HSD3B1: variants seen among roughly 807,000 people sequenced by gnomAD.
The protein encoded by HSD3B1 is 3 beta-hydroxysteroid dehydrogenase/Delta 5-->4-isomerase type 1.
A neutral mutation model predicts 10.4 loss-of-function variants in HSD3B1; 11 were observed. The observed-to-expected ratio is 1.05, with a 90% CI of 0.66 to 1.75. The LOEUF (loss-of-function observed/expected upper bound fraction) is 1.75. Ranked by LOEUF, HSD3B1 falls within the 40% of genes most tolerant of loss-of-function variation. The pLI is 0.00. For synonymous variants in HSD3B1, 217 were observed against 185.4 expected (o/e 1.17, Z -1.39); for missense variants, 490 against 454.5 (o/e 1.08, Z -0.71).
In HSD3B1 at chr1:119,514,124, A is replaced by G; in HGVS notation, c.601A>G (p.Ser201Gly). The change falls in exon 4 of 4, where the codon AGT (serine) becomes GGT (glycine). Residue 201 changes from serine (S) to glycine (G), a missense_variant. Ser to Gly is a moderately conservative substitution (Grantham distance 56). Transcript: ENST00000369413. ...GGAAGGAAGCCGATTCCTTTCTGCTAGTATAAACGAGGCCCTGAACAACAA... is the reference window on the plus strand; with the variant it reads ...GGAAGGAAGCCGATTCCTTTCTGCTGGTATAAACGAGGCCCTGAACAACAA... ...YGEGSRFLSA[S>G]INEALNNNGI... 6.2e-7 allele frequency: 1 copy of G among 1,614,110 alleles called. No individual in the cohort carries two copies. The highest frequency in any genetic ancestry group is 2.2e-5 in the East Asian group (1 of 44,868).
At chr1:119,508,979 G>C (rs1387615370) in intron 2 of HSD3B1, among the ~76,000 whole-genome samples, 1 of 152,190 alleles carries the variant, frequency 6.6e-6, no homozygotes, top group Non-Finnish European at 1.5e-5. Context: ...GCTCAGCCTA[G>C]AGGTATTGTT....
chr1:119,512,411 C>G (rs1570880279), intron 3 of HSD3B1, among the ~76,000 whole-genome samples: 1 of 151,956 alleles, frequency 6.6e-6, no homozygotes, highest in Middle Eastern at 3.4e-3. Context: ...ACCTTAAATT[C>G]AGACACATTT....
At position 119,511,644 on chromosome 1, in the gene HSD3B1, C is replaced by T. The variant is rs35427478; in HGVS notation, c.287C>T (p.Ser96Phe). 208 of 1,613,584 alleles carry T rather than the reference C, an allele frequency of 1.3e-4. No individual in the cohort carries two copies. The highest frequency in any genetic ancestry group is 1.7e-4 in the Non-Finnish European group (200 of 1,179,716). Reference sequence around the variant, plus strand: ...GTCTTCGGTGTCACTCACAGAGAGTCTATCATGAATGTCAATGTGAAAGGT... The same window carrying T: ...GTCTTCGGTGTCACTCACAGAGAGTTTATCATGAATGTCAATGTGAAAGGT... The part of the protein sequence containing the change: ...IDVFGVTHRE[S>F]IMNVNVKGTQ... Residue 96 changes from serine (S) to phenylalanine (F), a missense_variant, in exon 3 of 4, where the codon TCT (serine) becomes TTT (phenylalanine). Transcript: ENST00000369413.
chr1:119,513,533 T>A (rs1440174788), intron 3 of HSD3B1, among the ~76,000 whole-genome samples: 1 of 152,020 alleles, frequency 6.6e-6, no homozygotes, highest in Non-Finnish European at 1.5e-5. Flanking sequence ...CTTGGCAAAA[T>A]AAAAAGTGAT....
At chr1:119,507,350 G>A in intron 1 of HSD3B1, 42 bp from the exon 2 acceptor site, 1 of 891,016 alleles carries the variant, frequency 1.1e-6, no homozygotes, top group Non-Finnish European at 1.8e-6. Context: ...AGGAAAATGA[G>A]GCATCTGTGT....
rs371247441 is a variant in HSD3B1, at chr1:119,514,357, C to T, written c.834C>T (p.Leu278=). 46 of 1,614,044 alleles carry T rather than the reference C, an allele frequency of 2.8e-5. No individual in the cohort carries two copies. The highest frequency in any genetic ancestry group is 3.7e-5 in the Non-Finnish European group (44 of 1,180,026). Residue 278 remains leucine, a synonymous_variant, in exon 4 of 4, where the codon CTC becomes CTT. Transcript: ENST00000369413. The part of the protein sequence containing the change: ...LNYTLSKEFG[L]RLDSRWSFPL... The stretch of plus-strand genomic sequence containing the variant: ...ACACCCTGAGCAAAGAGTTCGGCCT[C>T]CGCCTTGATTCCAGATGGAGCTTTC...
In HSD3B1 at chr1:119,514,332, A is replaced by C. The variant is rs1654040030; in HGVS notation, c.809A>C (p.Tyr270Ser). The C allele has an allele frequency of 6.2e-7, 1 of 1,614,048 alleles. No individual in the cohort carries two copies. The highest frequency in any genetic ancestry group is 1.1e-5 in the South Asian group (1 of 91,070). ...TPHQSYDNLN[Y>S]TLSKEFGLRL... is the part of the protein sequence containing the mutation. The stretch of plus-strand genomic sequence containing the variant: ...CACCAAAGCTATGATAACCTTAATT[A>C]CACCCTGAGCAAAGAGTTCGGCCTC... The change falls in exon 4 of 4, where the codon TAC (tyrosine) becomes TCC (serine). Residue 270 changes from tyrosine to serine, a missense_variant. Coordinates refer to ENST00000369413, the MANE Select transcript of HSD3B1 (RefSeq NM_000862.3).
In HSD3B1 at chr1:119,511,585, C is replaced by G; in HGVS notation, c.228C>G (p.Val76=). 1.9e-6 allele frequency: 3 copies of G among 1,613,168 alleles called. No homozygotes were observed. The highest frequency in any genetic ancestry group is 4.5e-5 in the East Asian group (2 of 44,856). ...EPFLKRACQD[V]SVIIHTACII... Reference sequence around the variant, plus strand: ...TCCTGAAGAGAGCCTGCCAGGACGTCTCGGTCATCATCCACACCGCCTGTA... The same window carrying G: ...TCCTGAAGAGAGCCTGCCAGGACGTGTCGGTCATCATCCACACCGCCTGTA... Residue 76 remains valine, a synonymous_variant, in exon 3 of 4, where the codon GTC becomes GTG. Transcript: ENST00000369413.
rs764145512 is a variant in HSD3B1, at chr1:119,514,430, T to C, written c.907T>C (p.Phe303Leu). The change falls in exon 4 of 4, where the codon TTC (phenylalanine) becomes CTC (leucine). Residue 303 changes from phenylalanine (F) to leucine (L), a missense_variant. Phe to Leu is a conservative substitution (Grantham distance 22). Coordinates refer to ENST00000369413, the MANE Select transcript of HSD3B1 (RefSeq NM_000862.3). Reference protein sequence around the residue: ...WIGFLLEIVSFLLRPIYTYRP... With the variant: ...WIGFLLEIVSLLLRPIYTYRP... ...TGGCTTCCTGCTGGAAATAGTGAGC[T>C]TCCTACTCAGGCCAATTTACACCTA... 16 of 1,614,034 alleles carry C rather than the reference T, an allele frequency of 9.9e-6. No individual in the cohort carries two copies. The South Asian group carries it at 1.4e-4, about 14-fold the overall frequency.
chr1:119,511,373 A>G (rs2273582), intron 2 of HSD3B1, 130 bp from the exon 3 acceptor site: 14,926 of 809,934 alleles, frequency 0.018, 706 homozygotes, highest in African/African-American at 0.14. Context: ...TTCTTTCCGT[A>G]GAATGTACAC....
chr1:119,509,786 C>A (rs1377336594), intron 2 of HSD3B1, among the ~76,000 whole-genome samples: 2 of 152,208 alleles, frequency 1.3e-5, no homozygotes, highest in Non-Finnish European at 2.9e-5. Context: ...GAATTTTTCA[C>A]TCTGAATTTT....
chr1:119,514,395 T>A lies in HSD3B1; in HGVS notation c.872T>A (p.Met291Lys), dbSNP rs1380884412. The stretch of plus-strand genomic sequence containing the variant: ...AGATGGAGCTTTCCTTTATCCCTGA[T>A]GTATTGGATTGGCTTCCTGCTGGAA... ...DSRWSFPLSL[M>K]YWIGFLLEIV... is the part of the protein sequence containing the mutation. Residue 291 changes from methionine (M) to lysine (K), a missense_variant, in exon 4 of 4, where the codon ATG becomes AAG. Transcript: ENST00000369413. 1.9e-6 allele frequency: 3 copies of A among 1,614,140 alleles called. No individual in the cohort carries two copies. The East Asian group carries it at 6.7e-5, about 36-fold the overall frequency.
chr1:119,507,308 G>T (rs1159067632), intron 1 of HSD3B1, 46 bp downstream of exon 1: 1 of 639,506 alleles, frequency 1.6e-6, no homozygotes, highest in African/African-American at 1.8e-5. Flanking sequence ...CAGTGGTGGG[G>T]ACACAGAATG....
chr1:119,509,248 A>G (rs1407500341), intron 2 of HSD3B1, among the ~76,000 whole-genome samples: 1 of 152,232 alleles, frequency 6.6e-6, no homozygotes, highest in African/African-American at 2.4e-5. Flanking sequence ...TTGAACCCAG[A>G]CAGACTAGTG....
At position 119,511,628 on chromosome 1, in the gene HSD3B1, G is replaced by A. The variant is rs1653942302; in HGVS notation, c.271G>A (p.Val91Ile). The change falls in exon 3 of 4, where the codon GTC becomes ATC. Residue 91 changes from valine to isoleucine, a missense_variant. Physicochemically the swap from Val to Ile is conservative, Grantham distance 29. Coordinates refer to ENST00000369413, the MANE Select transcript of HSD3B1 (RefSeq NM_000862.3). Reference protein sequence around the residue: ...HTACIIDVFGVTHRESIMNVN... With the variant: ...HTACIIDVFGITHRESIMNVN... Reference sequence around the variant, plus strand: ...CGCCTGTATCATTGATGTCTTCGGTGTCACTCACAGAGAGTCTATCATGAA... The same window carrying A: ...CGCCTGTATCATTGATGTCTTCGGTATCACTCACAGAGAGTCTATCATGAA... 6.2e-7 allele frequency: 1 copy of A among 1,613,770 alleles called. No individual in the cohort carries two copies. The highest frequency in any genetic ancestry group is 1.3e-5 in the African/African-American group (1 of 75,012).
intron 3 of HSD3B1, among the ~76,000 whole-genome samples, chr1:119,512,266 G>T (rs1451025506): frequency 1.3e-5 from 2 of 152,134 alleles, no homozygotes; most frequent in Non-Finnish European, 2.9e-5. Flanking sequence ...CCAGTATCAA[G>T]AATACAGTCT....
In HSD3B1 at chr1:119,511,640, G is replaced by C. The variant is rs149581686; in HGVS notation, c.283G>C (p.Glu95Gln). The change falls in exon 3 of 4, where the codon GAG becomes CAG. Residue 95 changes from glutamate to glutamine, a missense_variant. Coordinates refer to ENST00000369413, the MANE Select transcript of HSD3B1 (RefSeq NM_000862.3). ...TGATGTCTTCGGTGTCACTCACAGA[G>C]AGTCTATCATGAATGTCAATGTGAA... ...IIDVFGVTHRESIMNVNVKGT... is the reference protein window; with the variant it reads ...IIDVFGVTHRQSIMNVNVKGT... 3.3e-5 allele frequency: 54 copies of C among 1,613,784 alleles called. No homozygotes were observed. The highest frequency in any genetic ancestry group is 1.6e-4 in the African/African-American group (12 of 75,018).
intron 2 of HSD3B1, chr1:119,507,872 G>T: frequency 2.5e-6 from 1 of 407,316 alleles, no homozygotes; most frequent in Non-Finnish European, 4.5e-6. Flanking sequence ...CAGCCTCCAG[G>T]CCTCTTTTCT....
At chr1:119,508,638 T>A (rs1653855720) in intron 2 of HSD3B1, among the ~76,000 whole-genome samples, 1 of 152,192 alleles carries the variant, frequency 6.6e-6, no homozygotes, top group East Asian at 1.9e-4. Context: ...GCAAAGTGGA[T>A]CTTCAGTCTC....
Sources: gnomAD v4.1 joint callset for allele counts (sites outside exome capture counted in the v4.1 genomes callset) on GRCh38, gnomAD v4.1.1 for gene constraint, MANE v1.5 for transcripts, NCBI Gene and HGNC (gene_info 2026-07-23, HGNC 2026-07-21) for gene names.